PDE4D: variants seen among roughly 807,000 people sequenced by gnomAD.
PDE4D encodes phosphodiesterase 4D, also known as 3',5'-cyclic-AMP phosphodiesterase 4D.
PDE4D carries 24 observed loss-of-function variants against 87.4 expected under a neutral mutation model. The ratio of observed to expected loss-of-function variants is 0.27; its 90% confidence interval spans 0.20 to 0.39. The LOEUF is 0.39. PDE4D is among the 10% of genes least tolerant of loss of function. PDE4D has a pLI of 1.00. For synonymous variants in PDE4D, 384 were observed against 383.2 expected (o/e 1.00, Z -0.02); for missense variants, 714 against 1,041.0 (o/e 0.69, Z 4.32).
intron 1 of PDE4D, among the ~76,000 whole-genome samples, chr5:59,284,566 G>T (rs567407297): frequency 7.4e-5 from 11 of 149,654 alleles, no homozygotes; most frequent in Admixed American, 4.7e-4. Context: ...GAAACAACAG[G>T]TGCTGGAGAG....
chr5:60,032,586 C>G (rs1038773736), intron 2 of PDE4D, among the ~76,000 whole-genome samples: 8 of 152,144 alleles, frequency 5.3e-5, no homozygotes, highest in Non-Finnish European at 1.0e-4. Context: ...AACCTGCATT[C>G]AAATCCTACC....
intron 1 of PDE4D, among the ~76,000 whole-genome samples, chr5:59,454,631 A>G (rs1238969279): frequency 1.3e-5 from 2 of 152,196 alleles, no homozygotes; most frequent in Non-Finnish European, 2.9e-5. Flanking sequence ...TGCCGAAAAG[A>G]TACCTGAAAG....
intron 3 of PDE4D, among the ~76,000 whole-genome samples, chr5:59,191,467 G>T (rs1744286245): frequency 1.3e-5 from 2 of 151,934 alleles, no homozygotes; most frequent in African/African-American, 4.8e-5. Context: ...ACTCAAATTG[G>T]AATGATTGGT....
At chr5:60,103,216 G>A (rs1364790951) in intron 2 of PDE4D, among the ~76,000 whole-genome samples, 1 of 152,200 alleles carries the variant, frequency 6.6e-6, no homozygotes, top group Admixed American at 6.5e-5. Context: ...GACAGCCTAA[G>A]TAAGAGCCTT....
At chr5:59,175,229 G>C (rs191361860) in intron 5 of PDE4D, among the ~76,000 whole-genome samples, 23 of 152,214 alleles carry the variant, frequency 1.5e-4, no homozygotes, top group Non-Finnish European at 1.5e-5. Context: ...GACGTATGTA[G>C]GTGAGCCTTA....
intron 6 of PDE4D, among the ~76,000 whole-genome samples, chr5:59,008,600 T>C (rs538364811): frequency 1.3e-5 from 2 of 152,126 alleles, no homozygotes; most frequent in African/African-American, 2.4e-5. Flanking sequence ...AAATGAATCA[T>C]AGAACTAAAT....
chr5:58,993,453 G>A lies in PDE4D; in HGVS notation c.934C>T (p.Leu312Phe). Residue 312 changes from leucine (L) to phenylalanine (F), a missense_variant, in exon 7 of 15, where the codon CTT becomes TTT. Physicochemically the swap from Leu to Phe is conservative, Grantham distance 22. Around this residue, in one of 7 missense-constraint regions of PDE4D, gnomAD observed 90 missense variants for 177.6 expected, o/e 0.51. Transcript: ENST00000340635. ...EMASNKFKRMLNRELTHLSEM... is the reference protein window; with the variant it reads ...EMASNKFKRMFNRELTHLSEM... ...GAGAGATGGGTGAGCTCCCGATTAA[G>A]CATCCTTTTAAACTGAAAAACAGAA... 1 of 1,592,086 alleles carries A rather than the reference G, an allele frequency of 6.3e-7. No homozygotes were observed. The highest frequency in any genetic ancestry group is 8.5e-7 in the Non-Finnish European group (1 of 1,170,698).
intron 1 of PDE4D, among the ~76,000 whole-genome samples, chr5:60,346,752 C>T (rs76892119): frequency 0.03 from 4,602 of 152,178 alleles, 117 homozygotes; most frequent in East Asian, 0.12. Flanking sequence ...GATAAACACT[C>T]CTATTTGCTC....
chr5:59,182,151 A>C (rs758226159), intron 4 of PDE4D, among the ~76,000 whole-genome samples: 15 of 152,100 alleles, frequency 9.9e-5, no homozygotes, highest in Non-Finnish European at 1.5e-4. Flanking sequence ...TTGGGGGAAA[A>C]ATGGGGAGAA....
At chr5:59,565,423 G>A (rs747886264) in intron 1 of PDE4D, among the ~76,000 whole-genome samples, 1 of 152,200 alleles carries the variant, frequency 6.6e-6, no homozygotes, top group Non-Finnish European at 1.5e-5. Flanking sequence ...AGAGGCTGAA[G>A]TGGGAGGATG....
intron 1 of PDE4D, among the ~76,000 whole-genome samples, chr5:59,769,495 C>T (rs996857698): frequency 3.9e-5 from 6 of 152,130 alleles, no homozygotes; most frequent in Non-Finnish European, 8.8e-5. Context: ...TTCGTGATTT[C>T]CTTTATTGCC....
intron 1 of PDE4D, among the ~76,000 whole-genome samples, chr5:60,211,739 T>C (rs111605096): frequency 0.014 from 2,127 of 152,202 alleles, 23 homozygotes; most frequent in Middle Eastern, 0.034. Flanking sequence ...CTTGTGAAAC[T>C]GTGTGTGCTT....
At chr5:60,475,823 GAAA>G (rs397792795) in intron 1 of PDE4D, among the ~76,000 whole-genome samples, 5 of 95,038 alleles carry the variant, frequency 5.3e-5, no homozygotes, top group Admixed American at 3.8e-4. Context: ...TCTGTTAAAT[GAAA>G]AAAAAAAAAA....
At chr5:59,156,337 G>A (rs62356734) in intron 5 of PDE4D, among the ~76,000 whole-genome samples, 16,677 of 59,026 alleles carry the variant, frequency 0.28, 1,358 homozygotes, top group African/African-American at 0.33. Flanking sequence ...ATATATGTGT[G>A]TGTGTGTGTG....
At chr5:60,155,955 G>A (rs564267055) in intron 2 of PDE4D, among the ~76,000 whole-genome samples, 39 of 152,304 alleles carry the variant, frequency 2.6e-4, no homozygotes, top group Non-Finnish European at 4.6e-4. Flanking sequence ...CTCTTAACAA[G>A]GACATACATA....
At chr5:59,093,786 A>G (rs937990749) in intron 5 of PDE4D, among the ~76,000 whole-genome samples, 1 of 152,216 alleles carries the variant, frequency 6.6e-6, no homozygotes, top group Admixed American at 6.5e-5. Context: ...CATAATGAAG[A>G]AGAGAAACTA....
rs75238508 is a variant in PDE4D, at chr5:60,073,889, A to T, written c.43-85172T>A. 7.0e-3 allele frequency among the ~76,000 whole-genome samples: 1,071 copies of T among 151,986 alleles called. 22 individuals are homozygous for T. The highest frequency in any genetic ancestry group is 0.045 in the East Asian group (234 of 5,164). On this transcript the variant is annotated intron_variant, in intron 2 of 16. Transcript: ENST00000502484. The stretch of plus-strand genomic sequence containing the variant: ...CAGTGGTAATTACTATCTTATTTTT[A>T]AAATTGTGTTTATTTGGATCTTCTC...
At chr5:59,109,095 C>CT (rs1261633609) in intron 5 of PDE4D, among the ~76,000 whole-genome samples, 1 of 149,980 alleles carries the variant, frequency 6.7e-6, no homozygotes, top group Non-Finnish European at 1.5e-5. Flanking sequence ...TATTCCAGTT[C>CT]TTTTTTTCTT....
chr5:59,039,234 G>A (rs770564549), intron 5 of PDE4D: 237 of 1,250,042 alleles, frequency 1.9e-4, no homozygotes, highest in Non-Finnish European at 2.2e-4. Flanking sequence ...AAAGAGCGGC[G>A]AGCCAACTTT....
Sources: allele counts gnomAD v4.1 joint callset (sites outside exome capture counted in the v4.1 genomes callset), GRCh38; gene constraint gnomAD v4.1.1; regional missense constraint gnomAD v4.1.1; transcripts MANE v1.5; gene names NCBI Gene and HGNC (gene_info 2026-07-23, HGNC 2026-07-21).